Variants in CNOT8 observed in about 807,000 individuals in gnomAD.
CNOT8 encodes CAF1-like protein.
CNOT8 carries 18 observed loss-of-function variants against 34.6 expected under a neutral mutation model. The observed-to-expected ratio is 0.52, with a 90% CI of 0.36 to 0.77. The LOEUF (loss-of-function observed/expected upper bound fraction) is 0.77, where lower values mean the gene tolerates loss of function less well. CNOT8 is among the 30% of genes least tolerant of loss of function. The pLI is 0.00. For missense variants in CNOT8, 189 were observed against 347.9 expected (o/e 0.54, Z 3.63); for synonymous variants, 101 against 118.8 (o/e 0.85, Z 0.98).
chr5:154,865,401 A>G lies in CNOT8; in HGVS notation c.311+16A>G, dbSNP rs1262129176. 3 of 1,559,682 alleles carry G rather than the reference A, an allele frequency of 1.9e-6. No homozygotes were observed. In the South Asian group the frequency reaches 3.6e-5, roughly 19 times the overall value. ...TTAACCTTACGTAAGTGATTTCTAAATAAATGCGTTAATTTTAAGTTTTGT... is the reference window on the plus strand; with the variant it reads ...TTAACCTTACGTAAGTGATTTCTAAGTAAATGCGTTAATTTTAAGTTTTGT... On this transcript the variant is annotated intron_variant, in intron 3 of 6. Transcript: ENST00000285896.
chr5:154,861,761 C>T (rs538849045), intron 1 of CNOT8, among the ~76,000 whole-genome samples: 4 of 152,162 alleles, frequency 2.6e-5, no homozygotes, highest in Admixed American at 6.6e-5. Context: ...TGCGGTGGCG[C>T]GATCTTGGCT....
Position 154,865,183 on chromosome 5 carries a change from CT to C in CNOT8, c.118-5del. The stretch of plus-strand genomic sequence containing the variant: ...AAACCTTGTGATGAGAGACTTTTTC[CT>C]TTTCCAGGACACAGAATTTCCAGGT... On this transcript the variant is annotated splice_region_variant and splice_polypyrimidine_tract_variant and intron_variant, in intron 2 of 6. Coordinates refer to ENST00000285896, the MANE Select transcript of CNOT8 (RefSeq NM_001301073.2). 1 of 1,539,088 alleles carries C rather than the reference CT, an allele frequency of 6.5e-7. No individual in the cohort carries two copies.
At chr5:154,860,187 A>T (rs1012505238) in intron 1 of CNOT8, among the ~76,000 whole-genome samples, 1 of 152,148 alleles carries the variant, frequency 6.6e-6, no homozygotes, top group Non-Finnish European at 1.5e-5. Flanking sequence ...GCGCTGTGAG[A>T]TGCTTGCCCT....
chr5:154,868,330 G>A (rs1230147612), intron 3 of CNOT8, among the ~76,000 whole-genome samples: 4 of 141,046 alleles, frequency 2.8e-5, no homozygotes. Flanking sequence ...GTGCAGTGGT[G>A]CAATCTCGGC....
At chr5:154,861,978 G>A (rs778208808) in intron 1 of CNOT8, among the ~76,000 whole-genome samples, 4 of 152,310 alleles carry the variant, frequency 2.6e-5, no homozygotes, top group East Asian at 1.9e-4. Flanking sequence ...GATTATAGGC[G>A]TGAGCCACCA....
At chr5:154,868,831 C>T (rs1762176155) in intron 3 of CNOT8, among the ~76,000 whole-genome samples, 1 of 152,200 alleles carries the variant, frequency 6.6e-6, no homozygotes, top group African/African-American at 2.4e-5. Context: ...GATTCCAGGG[C>T]TGTGGCTTCC....
chr5:154,875,349 C>T lies in CNOT8; in HGVS notation c.789C>T (p.Gly263=). ...AKYCGRLYGL[G]TGVAQKQNED... is the part of the protein sequence containing the mutation. ...ACTGTGGGCGGCTCTATGGCTTAGGCACAGGAGTGGCCCAGAAGCAGAATG... is the reference window on the plus strand; with the variant it reads ...ACTGTGGGCGGCTCTATGGCTTAGGTACAGGAGTGGCCCAGAAGCAGAATG... Residue 263 remains glycine, a synonymous_variant, in exon 7 of 7, where the codon GGC becomes GGT. Transcript: ENST00000285896. 1.9e-6 allele frequency: 3 copies of T among 1,614,104 alleles called. No homozygotes were observed. The highest frequency in any genetic ancestry group is 2.5e-6 in the Non-Finnish European group (3 of 1,180,026).
intron 3 of CNOT8, among the ~76,000 whole-genome samples, chr5:154,869,684 GCGCGAGCTTGGCTCACTAC>G (rs1354944503): frequency 6.7e-6 from 1 of 150,248 alleles, no homozygotes; most frequent in East Asian, 2.0e-4. Flanking sequence ...GAGCGCAGTG[GCGCGAGCTTGGCTCACTAC>G]AACCTCTGCC....
At chr5:154,874,414 A>AAAAT (rs1762755799) in intron 6 of CNOT8, among the ~76,000 whole-genome samples, 2 of 152,096 alleles carry the variant, frequency 1.3e-5, no homozygotes, top group South Asian at 4.2e-4. Flanking sequence ...TGCCTCTATT[A>AAAAT]AAAGTACAAA....
chr5:154,862,315 C>G (rs1342405989), intron 1 of CNOT8, among the ~76,000 whole-genome samples: 2 of 151,964 alleles, frequency 1.3e-5, no homozygotes, highest in African/African-American at 2.4e-5. Flanking sequence ...TACTAAAATA[C>G]AAAAAATAGC....
chr5:154,870,997 A>G (rs986423952), intron 4 of CNOT8, among the ~76,000 whole-genome samples, 175 bp downstream of exon 4: 1 of 152,134 alleles, frequency 6.6e-6, no homozygotes, highest in Admixed American at 6.5e-5. Flanking sequence ...TGGGGCTCAT[A>G]TACTGGTTTG....
chr5:154,867,100 G>A (rs1409530826), intron 3 of CNOT8, among the ~76,000 whole-genome samples: 2 of 152,184 alleles, frequency 1.3e-5, no homozygotes, highest in Admixed American at 6.5e-5. Context: ...AAAAGCAAGT[G>A]AAAGTCTAGT....
In CNOT8 at chr5:154,875,434, C is replaced by T. The variant is rs1377837700; in HGVS notation, c.874C>T (p.Gln292Ter). The T allele has an allele frequency of 1.9e-6, 3 of 1,613,376 alleles. No individual in the cohort carries two copies. Among genetic ancestry groups the T allele is most frequent in the Non-Finnish European group, 2.5e-6 (3 of 1,179,944 alleles). ...SILAIINNMQ[Q>*] ...CCTGGCGATTATCAACAACATGCAG[C>T]AGTGATGGCGCCAGGCTCTGCAGGG... Residue 292 changes from glutamine to a stop codon, truncating the protein, a stop_gained, in exon 7 of 7, where the codon CAG becomes TAG. Coordinates refer to ENST00000285896, the MANE Select transcript of CNOT8 (RefSeq NM_001301073.2). LOFTEE classifies it high-confidence loss of function.
Position 154,875,236 on chromosome 5 carries a change from C to G in CNOT8, c.730-54C>G. 4.4e-6 allele frequency: 7 copies of G among 1,587,138 alleles called. No individual in the cohort carries two copies. The South Asian group carries it at 4.5e-5, about 10-fold the overall frequency. On this transcript the variant is annotated intron_variant, in intron 6 of 6. Transcript: ENST00000285896. ...CCGGCCAGATGTGATAATATTTATA[C>G]TTGTCATGACTTCTAGCATAACTCT...
intron 6 of CNOT8, among the ~76,000 whole-genome samples, chr5:154,874,892 A>G (rs1762805545): frequency 6.6e-6 from 1 of 151,710 alleles, no homozygotes; most frequent in South Asian, 2.1e-4. Flanking sequence ...GGCTTTAGGA[A>G]GGCTGGGAGG....
At chr5:154,866,651 C>T (rs1446640970) in intron 3 of CNOT8, among the ~76,000 whole-genome samples, 1 of 152,128 alleles carries the variant, frequency 6.6e-6, no homozygotes, top group Non-Finnish European at 1.5e-5. Context: ...ACGCCTGTAA[C>T]TCCAGCACTC....
At position 154,875,965 on chromosome 5, in the gene CNOT8, T is replaced by TCC. The variant is rs1762899090; in HGVS notation, c.*527_*528dup. 2 of 153,442 alleles carry TCC rather than the reference T, an allele frequency of 1.3e-5. No homozygotes were observed. Among genetic ancestry groups the TCC allele is most frequent in the African/African-American group, 2.4e-5 (1 of 41,466 alleles). 9.5% of individuals were successfully genotyped at this position (153,442 alleles called of 1,614,324 possible). ...TGACCCTTCTCGAGGACATTTGCTTTCCTCACACTTTTGTAGTCTCTCTTT... is the reference window on the plus strand; with the variant it reads ...TGACCCTTCTCGAGGACATTTGCTTTCCCCTCACACTTTTGTAGTCTCTCTTT... On this transcript the variant is annotated 3_prime_UTR_variant, in exon 7 of 7. Coordinates refer to ENST00000285896, the MANE Select transcript of CNOT8 (RefSeq NM_001301073.2).
chr5:154,861,748 G>A (rs1432656133), intron 1 of CNOT8, among the ~76,000 whole-genome samples: 1 of 152,218 alleles, frequency 6.6e-6, no homozygotes, highest in African/African-American at 2.4e-5. Flanking sequence ...GCCCAGGCTG[G>A]AGTGCGGTGG....
chr5:154,874,588 G>A (rs1262457597), intron 6 of CNOT8, among the ~76,000 whole-genome samples: 1 of 152,084 alleles, frequency 6.6e-6, no homozygotes, highest in Non-Finnish European at 1.5e-5. Flanking sequence ...AGGCTGGGGT[G>A]CAGTGGTGTG....
Sources: allele counts gnomAD v4.1 joint callset (sites outside exome capture counted in the v4.1 genomes callset), GRCh38; gene constraint gnomAD v4.1.1; transcripts MANE v1.5; gene names NCBI Gene and HGNC (gene_info 2026-07-23, HGNC 2026-07-21).